Variants in CNTN5 observed in about 807,000 individuals in gnomAD.
CNTN5 encodes contactin 5.
Under a neutral mutation model 129.1 loss-of-function variants are expected in CNTN5, and 77 were observed. The observed-to-expected ratio is 0.60, with a 90% CI of 0.50 to 0.72. The LOEUF (loss-of-function observed/expected upper bound fraction) is 0.72. Ranked by LOEUF, CNTN5 falls within the 30% of genes least tolerant of loss-of-function variation. The pLI is 0.00. For synonymous variants in CNTN5, 509 were observed against 465.6 expected (o/e 1.09, Z -1.20); for missense variants, 1,478 against 1,328.8 (o/e 1.11, Z -1.75).
chr11:99,685,595 G>T (rs1565425592), intron 3 of CNTN5, among the ~76,000 whole-genome samples: 1 of 151,710 alleles, frequency 6.6e-6, no homozygotes, highest in Non-Finnish European at 1.5e-5. Context: ...CTAATAAAAG[G>T]TCTCTCTATT....
chr11:100,309,277 A>G, intron 21 of CNTN5: 7 of 984,174 alleles, frequency 7.1e-6, no homozygotes, highest in Non-Finnish European at 8.4e-6. Flanking sequence ...TTGTGTCTTG[A>G]ACAATGATCA....
intron 6 of CNTN5, among the ~76,000 whole-genome samples, chr11:99,849,963 A>G (rs1464557794): frequency 6.6e-6 from 1 of 152,100 alleles, no homozygotes; most frequent in African/African-American, 2.4e-5. Context: ...AAAATCTTAC[A>G]TGCTTGCTTC....
Position 100,191,119 on chromosome 11 carries a change from T to G in CNTN5, c.1581-7T>G, listed in dbSNP as rs1225213012. 1 of 1,575,048 alleles carries G rather than the reference T, an allele frequency of 6.3e-7. No homozygotes were observed. ...AGAAAAAAAAACTGTTTTTAAATAA[T>G]TTTCAGAATAGCTATTCTTCCAGAC... On this transcript the variant is annotated splice_polypyrimidine_tract_variant and splice_region_variant and intron_variant, in intron 13 of 24. Coordinates refer to ENST00000524871, the MANE Select transcript of CNTN5 (RefSeq NM_014361.4).
In CNTN5 at chr11:99,995,960, T is replaced by A. The variant is rs575247360; in HGVS notation, c.878-6074T>A. Among the ~76,000 whole-genome samples, 5 of 152,274 alleles carry A rather than the reference T, an allele frequency of 3.3e-5. No homozygotes were observed. The South Asian group carries it at 1.0e-3, about 32-fold the overall frequency. The stretch of plus-strand genomic sequence containing the variant: ...GTCTAGAACTCATCCTGAGCGTCAT[T>A]CTCTCATTTTTACTGTGTGGTCAGA... On this transcript the variant is annotated intron_variant, in intron 8 of 24. Coordinates refer to ENST00000524871, the MANE Select transcript of CNTN5 (RefSeq NM_014361.4).
intron 3 of CNTN5, among the ~76,000 whole-genome samples, chr11:99,628,831 C>G (rs1247022193): frequency 1.3e-5 from 2 of 151,860 alleles, no homozygotes; most frequent in East Asian, 3.9e-4. Context: ...ATGGCCTTCC[C>G]TTATATTTTA....
chr11:99,570,156 G>T (rs1445411120), intron 3 of CNTN5, among the ~76,000 whole-genome samples: 1 of 149,362 alleles, frequency 6.7e-6, no homozygotes, highest in African/African-American at 2.5e-5. Flanking sequence ...AAGAAGAAAA[G>T]AAAAAAGCTT....
intron 6 of CNTN5, among the ~76,000 whole-genome samples, chr11:99,907,754 T>A (rs1370143501): frequency 6.6e-6 from 1 of 151,988 alleles, no homozygotes; most frequent in Non-Finnish European, 1.5e-5. Context: ...TTTTTCTATG[T>A]TAGGTTTCTG....
At chr11:100,261,790 A>T (rs2138749263) in intron 17 of CNTN5, among the ~76,000 whole-genome samples, 1 of 152,344 alleles carries the variant, frequency 6.6e-6, no homozygotes, top group South Asian at 2.1e-4. Context: ...CTTATACAAA[A>T]ATTAACTCAA....
intron 3 of CNTN5, among the ~76,000 whole-genome samples, chr11:99,815,066 G>A (rs977847884): frequency 4.6e-5 from 7 of 152,052 alleles, no homozygotes; most frequent in East Asian, 3.9e-4. Context: ...ATTTACCTCC[G>A]TTTGGTTTCT....
chr11:100,143,957 G>T (rs1946773483), intron 13 of CNTN5, among the ~76,000 whole-genome samples: 1 of 152,058 alleles, frequency 6.6e-6, no homozygotes, highest in African/African-American at 2.4e-5. Context: ...TGCTTACCTT[G>T]TATATTTCTG....
chr11:99,106,901 C>T (rs1867023576), intron 1 of CNTN5, among the ~76,000 whole-genome samples: 1 of 151,866 alleles, frequency 6.6e-6, no homozygotes, highest in South Asian at 2.1e-4. Context: ...GAAAGAAAAC[C>T]ACAATATCAT....
intron 8 of CNTN5, 121 bp from the exon 9 acceptor site, chr11:100,001,913 T>G: frequency 1.5e-6 from 1 of 689,416 alleles, no homozygotes; most frequent in Non-Finnish European, 2.4e-6. Context: ...TCGAAAAATT[T>G]AACAGTCATC....
intron 3 of CNTN5, among the ~76,000 whole-genome samples, chr11:99,804,582 A>T (rs991536229): frequency 3.0e-4 from 45 of 151,526 alleles, no homozygotes; most frequent in Middle Eastern, 3.5e-3. Flanking sequence ...TTTTATTTTT[A>T]TAATCTTATA....
chr11:99,250,317 T>C (rs1434145253), intron 1 of CNTN5, among the ~76,000 whole-genome samples: 1 of 152,014 alleles, frequency 6.6e-6, no homozygotes, highest in East Asian at 1.9e-4. Flanking sequence ...AATCATTTAG[T>C]CATTACTTGA....
chr11:99,658,385 G>T (rs1029881523), intron 3 of CNTN5, among the ~76,000 whole-genome samples: 5 of 152,116 alleles, frequency 3.3e-5, no homozygotes, highest in African/African-American at 7.2e-5. Flanking sequence ...GAAATGCTTC[G>T]TGTAGGCTGT....
chr11:100,280,197 G>T (rs1565394904), intron 18 of CNTN5, among the ~76,000 whole-genome samples: 1 of 151,812 alleles, frequency 6.6e-6, no homozygotes, highest in Non-Finnish European at 1.5e-5. Context: ...GGTCGATTTG[G>T]TCCACATTGT....
At chr11:100,305,716 C>G (rs768478832) in intron 20 of CNTN5, among the ~76,000 whole-genome samples, 1 of 151,430 alleles carries the variant, frequency 6.6e-6, no homozygotes, top group Non-Finnish European at 1.5e-5. Flanking sequence ...AATTTTTGAC[C>G]CAGTTGAAAA....
At chr11:100,026,389 G>GAATGGACT (rs1477834009) in intron 9 of CNTN5, among the ~76,000 whole-genome samples, 1 of 152,076 alleles carries the variant, frequency 6.6e-6, no homozygotes, top group East Asian at 1.9e-4. Flanking sequence ...AGCACTGTGA[G>GAATGGACT]AATGGACTAA....
At chr11:100,130,985 G>A (rs138940076) in intron 13 of CNTN5, among the ~76,000 whole-genome samples, 263 of 152,258 alleles carry the variant, frequency 1.7e-3, no homozygotes, top group African/African-American at 6.0e-3. Context: ...CGGTTGTTAT[G>A]TAACATTGGT....
Sources: allele counts gnomAD v4.1 joint callset (sites outside exome capture counted in the v4.1 genomes callset), GRCh38; gene constraint gnomAD v4.1.1; transcripts MANE v1.5; gene names NCBI Gene and HGNC (gene_info 2026-07-23, HGNC 2026-07-21).